RAD21: variants seen among roughly 807,000 people sequenced by gnomAD.
RAD21 encodes RAD21 cohesin complex component.
In RAD21, 18 loss-of-function variants were observed where a neutral mutation model predicts 71.5. The observed-to-expected ratio is 0.25, with a 90% confidence interval of 0.17 to 0.37. The LOEUF (loss-of-function observed/expected upper bound fraction) is 0.37, where lower values mean the gene tolerates loss of function less well. Ranked by LOEUF, RAD21 falls within the 10% of genes least tolerant of loss-of-function variation. RAD21 has a pLI of 1.00. For synonymous variants in RAD21, 248 were observed against 254.0 expected (o/e 0.98, Z 0.22); for missense variants, 493 against 769.1 (o/e 0.64, Z 4.25).
Position 116,850,500 on chromosome 8 carries a change from T to G in RAD21, c.1620+118A>C, listed in dbSNP as rs1586262755. On this transcript the variant is annotated intron_variant, in intron 12 of 13. Coordinates refer to ENST00000297338, the MANE Select transcript of RAD21 (RefSeq NM_006265.3). Reference sequence around the variant, plus strand: ...AGAATATGGTAAAATTTTGCTTATATTCTAACATTTTTAAATAACTCTGAT... The same window carrying G: ...AGAATATGGTAAAATTTTGCTTATAGTCTAACATTTTTAAATAACTCTGAT... 8.2e-6 allele frequency: 12 copies of G among 1,463,370 alleles called. No individual in the cohort carries two copies. The East Asian group carries it at 2.7e-4, about 33-fold the overall frequency. 90.6% of individuals were successfully genotyped at this position (1,463,370 alleles called of 1,614,324 possible).
rs1417031114 is a variant in RAD21 at position 116,846,555 on chromosome 8, AC to A, written c.*944del. 2 of 229,006 alleles carry A rather than the reference AC, an allele frequency of 8.7e-6. No homozygotes were observed. The allele number at this position is 229,006 out of a possible 1,614,324, so 14.2% of individuals were successfully genotyped here. Reference sequence around the variant, plus strand: ...GAAAAGGAGATCAGTACTAAAACTTACAATAAATATCAGAGAAGCCGTTAGT... The same window carrying A: ...GAAAAGGAGATCAGTACTAAAACTTAAATAAATATCAGAGAAGCCGTTAGT... On this transcript the variant is annotated 3_prime_UTR_variant, in exon 14 of 14. Coordinates refer to ENST00000297338, the MANE Select transcript of RAD21 (RefSeq NM_006265.3).
chr8:116,847,739 T>A, intron 13 of RAD21, 48 bp from the exon 14 acceptor site: 1 of 1,486,506 alleles, frequency 6.7e-7, no homozygotes, highest in Non-Finnish European at 9.2e-7. Flanking sequence ...AATAAAGTAG[T>A]AATTCAGTGA....
At chr8:116,860,681 CT>C (rs1812574401) in intron 4 of RAD21, among the ~76,000 whole-genome samples, 1 of 152,104 alleles carries the variant, frequency 6.6e-6, no homozygotes, top group African/African-American at 2.4e-5. Flanking sequence ...GTGAACATAA[CT>C]TTTATAGGCA....
intron 6 of RAD21, 142 bp downstream of exon 6, chr8:116,857,125 T>C: frequency 1.5e-6 from 1 of 675,390 alleles, no homozygotes; most frequent in South Asian, 2.3e-5. Flanking sequence ...TTTACCGAAA[T>C]GTCCTATTGA....
chr8:116,848,384 G>GT lies in RAD21; in HGVS notation c.1704+561dup, dbSNP rs1812286607. Among the ~76,000 whole-genome samples the GT allele has an allele frequency of 2.0e-5, 3 of 152,276 alleles. No individual in the cohort carries two copies. The East Asian group carries it at 5.8e-4, about 29-fold the overall frequency. On this transcript the variant is annotated intron_variant, in intron 13 of 13. Coordinates refer to ENST00000297338, the MANE Select transcript of RAD21 (RefSeq NM_006265.3). Reference sequence around the variant, plus strand: ...TAACCAATTTCTTTAGACAGCTAATGTAATATAGTAGTAAAATCTAGCACT... The same window carrying GT: ...TAACCAATTTCTTTAGACAGCTAATGTTAATATAGTAGTAAAATCTAGCACT...
chr8:116,862,015 A>G (rs1423271485), intron 3 of RAD21, 75 bp from the exon 4 acceptor site: 2 of 1,133,666 alleles, frequency 1.8e-6, no homozygotes, highest in African/African-American at 3.1e-5. Context: ...ATAAGTAGGT[A>G]TAACTTCCTA....
At chr8:116,866,331 G>T (rs1290027929) in intron 2 of RAD21, among the ~76,000 whole-genome samples, 8 of 148,632 alleles carry the variant, frequency 5.4e-5, no homozygotes, top group Non-Finnish European at 1.2e-4. Context: ...TTTGGGCATT[G>T]CCCTGACTGA....
chr8:116,872,710 A>C (rs561059244), intron 1 of RAD21, among the ~76,000 whole-genome samples: 1 of 152,334 alleles, frequency 6.6e-6, no homozygotes, highest in Admixed American at 6.5e-5. Flanking sequence ...TACTATGAAA[A>C]CCTGAAAGGT....
chr8:116,868,877 G>A (rs1298372973), intron 1 of RAD21, among the ~76,000 whole-genome samples: 1 of 151,130 alleles, frequency 6.6e-6, no homozygotes, highest in African/African-American at 2.4e-5. Flanking sequence ...TCAACAAATG[G>A]TGCTGGAGTG....
chr8:116,867,549 C>G (rs1228810209), intron 1 of RAD21, among the ~76,000 whole-genome samples: 1 of 152,168 alleles, frequency 6.6e-6, no homozygotes, highest in East Asian at 1.9e-4. Flanking sequence ...ACATTAACTG[C>G]AGGATATTTC....
chr8:116,874,390 T>C lies in RAD21; in HGVS notation c.-33+221A>G, dbSNP rs980798504. 2.2e-4 allele frequency: 39 copies of C among 176,072 alleles called. No homozygotes were observed. In the South Asian group the frequency reaches 4.7e-3, roughly 21 times the overall value. 10.9% of individuals were successfully genotyped at this position (176,072 alleles called of 1,614,324 possible). A position where few individuals can be genotyped will look rare whatever the true frequency, so the allele number is the denominator to read the frequency against. Reference sequence around the variant, plus strand: ...AACAAGCGATGATGCGGGCCCAAGCTGCATGGGTCCGGGCCGAGGGCGGGC... The same window carrying C: ...AACAAGCGATGATGCGGGCCCAAGCCGCATGGGTCCGGGCCGAGGGCGGGC... On this transcript the variant is annotated intron_variant, in intron 1 of 13. Coordinates refer to ENST00000297338, the MANE Select transcript of RAD21 (RefSeq NM_006265.3).
Position 116,852,709 on chromosome 8 carries a change from C to T in RAD21, c.1162-1G>A. 7.0e-7 allele frequency: 1 copy of T among 1,431,480 alleles called. No homozygotes were observed. Among genetic ancestry groups the T allele is most frequent in the Non-Finnish European group, 9.2e-7 (1 of 1,089,722 alleles). 88.7% of individuals were successfully genotyped at this position (1,431,480 alleles called of 1,614,324 possible). A position where few individuals can be genotyped will look rare whatever the true frequency, so the allele number is the denominator to read the frequency against. ...GCGGTGTAAGACAGCGTGTAAAGAG[C>T]TATTAAAAAAAAAAAAAAGAAAAAT... On this transcript the variant is annotated splice_acceptor_variant, in intron 9 of 13. Transcript: ENST00000297338. LOFTEE classifies it high-confidence loss of function.
At chr8:116,858,972 C>CA (rs1812528009) in intron 4 of RAD21, among the ~76,000 whole-genome samples, 1 of 149,200 alleles carries the variant, frequency 6.7e-6, no homozygotes, top group Non-Finnish European at 1.5e-5. Flanking sequence ...CAAGTCTGTA[C>CA]AAAAAATAGA....
In RAD21 at chr8:116,864,706, T is replaced by C. The variant is rs115374850; in HGVS notation, c.145-1447A>G. Among the ~76,000 whole-genome samples, 572 of 152,278 alleles carry C rather than the reference T, an allele frequency of 3.8e-3. 1 individual carries two copies. The highest frequency in any genetic ancestry group is 0.013 in the African/African-American group (546 of 41,570). On this transcript the variant is annotated intron_variant, in intron 2 of 13. Transcript: ENST00000297338. Reference sequence around the variant, plus strand: ...GAGGGAAAAAAAACCTCTGCTATTATCTTATCTAGAACTAGCAACTTTCAA... The same window carrying C: ...GAGGGAAAAAAAACCTCTGCTATTACCTTATCTAGAACTAGCAACTTTCAA...
chr8:116,849,991 T>A (rs1812315916), intron 12 of RAD21, among the ~76,000 whole-genome samples: 2 of 152,032 alleles, frequency 1.3e-5, no homozygotes, highest in African/African-American at 4.8e-5. Context: ...AACAGAAGAA[T>A]AAATTCTAAG....
Position 116,852,569 on chromosome 8 carries a change from T to C in RAD21, c.1301A>G (p.His434Arg). The C allele has an allele frequency of 5.6e-6, 9 of 1,612,760 alleles. No individual in the cohort carries two copies. The highest frequency in any genetic ancestry group is 2.7e-5 in the African/African-American group (2 of 74,936). Residue 434 changes from histidine (H) to arginine (R), a missense_variant, in exon 10 of 14, where the codon CAT (histidine) becomes CGT (arginine). His to Arg is a conservative substitution (Grantham distance 29, BLOSUM62 0). Coordinates refer to ENST00000297338, the MANE Select transcript of RAD21 (RefSeq NM_006265.3). ...EVPREDQQQQ[H>R]QQRDVIDEPI... is the part of the protein sequence containing the mutation. Reference sequence around the variant, plus strand: ...CAAACCGATAACATCACGCTGCTGATGCTGCTGTTGCTGGTCCTCTCTAGG... The same window carrying C: ...CAAACCGATAACATCACGCTGCTGACGCTGCTGTTGCTGGTCCTCTCTAGG...
At chr8:116,855,282 T>A (rs534370690) in intron 8 of RAD21, among the ~76,000 whole-genome samples, 3 of 152,334 alleles carry the variant, frequency 2.0e-5, no homozygotes, top group Admixed American at 2.0e-4. Flanking sequence ...AGGTAAAAAC[T>A]ATGTCTAAAT....
chr8:116,856,231 G>T lies in RAD21; in HGVS notation c.872C>A (p.Thr291Asn). The change falls in exon 8 of 14, where the codon ACT (threonine) becomes AAT (asparagine). Residue 291 changes from threonine to asparagine, a missense_variant. This residue lies in a region of RAD21 where 165 missense variants were observed against 229.6 expected (regional missense o/e 0.72). Coordinates refer to ENST00000297338, the MANE Select transcript of RAD21 (RefSeq NM_006265.3). ...VDPVEPMPTM[T>N]DQTTLVPNEE... ...ATTTGGAACAAGTGTTGTTTGATCA[G>T]TCATGGTTGGCATTGGTTCAACGGG... The T allele has an allele frequency of 6.3e-7, 1 of 1,590,674 alleles. No individual in the cohort carries two copies. The highest frequency in any genetic ancestry group is 8.5e-7 in the Non-Finnish European group (1 of 1,169,890).
chr8:116,851,964 G>C lies in RAD21; in HGVS notation c.1454C>G (p.Pro485Arg), dbSNP rs201089677. 7 of 1,609,504 alleles carry C rather than the reference G, an allele frequency of 4.3e-6. No homozygotes were observed. Among genetic ancestry groups the C allele is most frequent in the African/African-American group, 2.7e-5 (2 of 74,956 alleles). Residue 485 changes from proline to arginine, a missense_variant, in exon 11 of 14, where the codon CCA becomes CGA. Physicochemically the swap from Pro to Arg is moderately radical, Grantham distance 103. Transcript: ENST00000297338. ...GVKRKAGQIDPEPVMPPQQVE... is the reference protein window; with the variant it reads ...GVKRKAGQIDREPVMPPQQVE... ...CTTACTTACAGGCATCACAGGCTCT[G>C]GGTCAATTTGTCCAGCTTTTCGCTT... is the stretch of plus-strand genomic sequence containing the variant.
Sources: gnomAD v4.1 joint callset for allele counts (sites outside exome capture counted in the v4.1 genomes callset) on GRCh38, gnomAD v4.1.1 for gene constraint, gnomAD v4.1.1 regional missense constraint, MANE v1.5 for transcripts, NCBI Gene and HGNC (gene_info 2026-07-23, HGNC 2026-07-21) for gene names.